Variants in ITGB6 observed in about 807,000 individuals in gnomAD.
The protein encoded by ITGB6 is integrin subunit beta 6.
A neutral mutation model predicts 84.5 loss-of-function variants in ITGB6; 80 were observed. The observed-to-expected ratio is 0.95, with a 90% CI of 0.79 to 1.14. ITGB6 has a LOEUF of 1.14. ITGB6 is among the 50% of genes most tolerant of loss of function. The pLI is 0.00. For missense variants in ITGB6, 1,006 were observed against 968.0 expected (o/e 1.04, Z -0.52); for synonymous variants, 383 against 354.9 (o/e 1.08, Z -0.89).
chr2:160,197,307 GTC>G (rs1686381918), intron 2 of ITGB6, among the ~76,000 whole-genome samples: 1 of 151,892 alleles, frequency 6.6e-6, no homozygotes, highest in Non-Finnish European at 1.5e-5. Flanking sequence ...AAAAAAAAAA[GTC>G]TGCTTTTCTG....
chr2:160,105,062 T>A (rs1489210209), intron 14 of ITGB6, among the ~76,000 whole-genome samples: 1 of 152,238 alleles, frequency 6.6e-6, no homozygotes. Context: ...CCTAAATGTG[T>A]GCAGTGAGCG....
rs1047265800 is a variant in ITGB6 at position 160,107,727 on chromosome 2, T to A, written c.2220A>T (p.Lys740Asn). ...GTTCTGCTTCAAATTTGGCAACTTC[T>A]TTACGATCATGAAATGACACCAGTA... ...WKLLVSFHDR[K>N]EVAKFEAERS... Residue 740 changes from lysine to asparagine, a missense_variant, in exon 14 of 15, where the codon AAA (lysine) becomes AAT (asparagine). Physicochemically the swap from Lys to Asn is moderately conservative, Grantham distance 94. Coordinates refer to ENST00000283249, the MANE Select transcript of ITGB6 (RefSeq NM_000888.5). The A allele has an allele frequency of 4.3e-6, 7 of 1,613,988 alleles. No individual in the cohort carries two copies. Among genetic ancestry groups the A allele is most frequent in the Non-Finnish European group, 5.9e-6 (7 of 1,179,982 alleles).
chr2:160,198,722 G>T (rs564980901), intron 2 of ITGB6, among the ~76,000 whole-genome samples: 1 of 152,272 alleles, frequency 6.6e-6, no homozygotes, highest in African/African-American at 2.4e-5. Flanking sequence ...AGTAATATTT[G>T]CCCCAAACTT....
rs140232993 is a variant in ITGB6, at chr2:160,141,560, T to G, written c.1107+422A>C. ...GGTGTTTTGGTGGATAGCCAACACT[T>G]GTATTTTTGCTTGAGTTATGACCTA... On this transcript the variant is annotated intron_variant, in intron 8 of 14. Transcript: ENST00000283249. Among the ~76,000 whole-genome samples the G allele has an allele frequency of 3.8e-3, 575 of 152,296 alleles. 14 individuals carry two copies. Among genetic ancestry groups the G allele is most frequent in the Non-Finnish European group, 7.3e-4 (50 of 68,028 alleles).
rs754473547 is a variant in ITGB6 at position 160,112,112 on chromosome 2, C to T, written c.2069G>A (p.Gly690Glu). 35 of 1,613,018 alleles carry T rather than the reference C, an allele frequency of 2.2e-5. No homozygotes were observed. Among genetic ancestry groups the T allele is most frequent in the Admixed American group, 5.0e-5 (3 of 59,718 alleles). ...ITFLITTDNE[G>E]KTIIHSINEK... ...ATTGATGCTGTGAATGATGGTTTTC[C>T]CCTCATTATCTGTAGTTATTAGGAA... The change falls in exon 13 of 15, where the codon GGG (glycine) becomes GAG (glutamate). Residue 690 changes from glycine to glutamate, a missense_variant. Coordinates refer to ENST00000283249, the MANE Select transcript of ITGB6 (RefSeq NM_000888.5).
chr2:160,151,388 T>C (rs1339664919), intron 7 of ITGB6, among the ~76,000 whole-genome samples: 2 of 152,162 alleles, frequency 1.3e-5, no homozygotes, highest in Admixed American at 6.5e-5. Flanking sequence ...AGATGTTCTT[T>C]GAAACCAATG....
At chr2:160,105,333 C>T (rs1480457836) in intron 14 of ITGB6, among the ~76,000 whole-genome samples, 1 of 151,948 alleles carries the variant, frequency 6.6e-6, no homozygotes, top group Non-Finnish European at 1.5e-5. Context: ...TGTTCTACAT[C>T]CTGAGGGAGA....
At chr2:160,120,597 G>C (rs1279112165) in intron 12 of ITGB6, among the ~76,000 whole-genome samples, 2 of 51,100 alleles carry the variant, frequency 3.9e-5, no homozygotes, top group Admixed American at 2.8e-4. Flanking sequence ...CAGCGCACCA[G>C]CATGGCACAT....
rs1384732105 is a variant in ITGB6, at chr2:160,173,958, A to C, written c.759+16T>G. 11 of 1,596,796 alleles carry C rather than the reference A, an allele frequency of 6.9e-6. No individual in the cohort carries two copies. Among genetic ancestry groups the C allele is most frequent in the Non-Finnish European group, 9.4e-6 (11 of 1,175,026 alleles). ...TTTTATGTTAACAGAGTGAAACAGC[A>C]CTCCCTTCAGCATACCTTACACACA... On this transcript the variant is annotated intron_variant, in intron 5 of 14. Transcript: ENST00000283249.
At chr2:160,112,455 G>C (rs1226402825) in intron 12 of ITGB6, among the ~76,000 whole-genome samples, 1 of 152,058 alleles carries the variant, frequency 6.6e-6, no homozygotes, top group Non-Finnish European at 1.5e-5. Flanking sequence ...GGGCAGGATT[G>C]CAACAGGCTG....
intron 12 of ITGB6, among the ~76,000 whole-genome samples, chr2:160,116,232 T>G (rs13010990): frequency 0.064 from 9,661 of 151,344 alleles, 360 homozygotes; most frequent in Middle Eastern, 0.13. Context: ...AAGTTGAAAT[T>G]AAGGAAAAAA....
At chr2:160,155,784 A>G (rs777019862) in intron 7 of ITGB6, among the ~76,000 whole-genome samples, 3 of 152,198 alleles carry the variant, frequency 2.0e-5, no homozygotes, top group Non-Finnish European at 4.4e-5. Context: ...AGAAGAAGAC[A>G]TCTTAATCAA....
intron 4 of ITGB6, among the ~76,000 whole-genome samples, chr2:160,187,675 T>G (rs1685959067): frequency 6.6e-6 from 1 of 152,210 alleles, no homozygotes; most frequent in Non-Finnish European, 1.5e-5. Context: ...CACTCCATTT[T>G]AGAGCAGAAG....
At chr2:160,190,061 G>A (rs1686077809) in intron 4 of ITGB6, among the ~76,000 whole-genome samples, 2 of 152,080 alleles carry the variant, frequency 1.3e-5, no homozygotes, top group Non-Finnish European at 2.9e-5. Flanking sequence ...GTAGGAACAT[G>A]AATGAAGCTG....
At position 160,129,392 on chromosome 2, in the gene ITGB6, C is replaced by CAAAA. The variant is rs374921878; in HGVS notation, c.1661-2795_1661-2792dup. Among the ~76,000 whole-genome samples, 370 of 126,768 alleles carry CAAAA rather than the reference C, an allele frequency of 2.9e-3. 7 individuals are homozygous for CAAAA. Among genetic ancestry groups the CAAAA allele is most frequent in the African/African-American group, 0.01 (352 of 33,594 alleles). 83.2% of individuals were successfully genotyped at this position (126,768 alleles called of 152,430 possible). A position where few individuals can be genotyped will look rare whatever the true frequency, so the allele number is the denominator to read the frequency against. On this transcript the variant is annotated intron_variant, in intron 10 of 14. Coordinates refer to ENST00000283249, the MANE Select transcript of ITGB6 (RefSeq NM_000888.5). ...AACTCTCGTAACTGATACTTTTCTT[C>CAAAA]AAAAAAAAAAAAAAAAAAGAAATGT...
chr2:160,199,320 A>G, intron 1 of ITGB6, 62 bp from the exon 2 acceptor site: 1 of 1,228,878 alleles, frequency 8.1e-7, no homozygotes, highest in Non-Finnish European at 1.2e-6. Context: ...CATTTATGAG[A>G]CTGATGGCTC....
chr2:160,125,598 A>C (rs918969284), intron 11 of ITGB6, among the ~76,000 whole-genome samples: 4 of 152,024 alleles, frequency 2.6e-5, no homozygotes, highest in Non-Finnish European at 5.9e-5. Flanking sequence ...TGCTTTTCTC[A>C]CTCTGTTTAT....
chr2:160,118,993 C>T (rs1427722662), intron 12 of ITGB6, among the ~76,000 whole-genome samples: 1 of 152,080 alleles, frequency 6.6e-6, no homozygotes, highest in Non-Finnish European at 1.5e-5. Flanking sequence ...GAACTACAAA[C>T]CACTGCTCAA....
chr2:160,138,949 A>G (rs185421720), intron 8 of ITGB6, among the ~76,000 whole-genome samples: 1 of 152,364 alleles, frequency 6.6e-6, no homozygotes, highest in Admixed American at 6.5e-5. Context: ...GCCTGGCACC[A>G]CAATGGTGAT....
Sources: allele counts gnomAD v4.1 joint callset (sites outside exome capture counted in the v4.1 genomes callset), GRCh38; gene constraint gnomAD v4.1.1; transcripts MANE v1.5; gene names NCBI Gene and HGNC (gene_info 2026-07-23, HGNC 2026-07-21).